Variants in PRH1 observed in about 807,000 individuals in gnomAD.
PRH1 encodes the protein salivary acidic proline-rich phosphoprotein 1/2.
In PRH1, 7 loss-of-function variants were observed where a neutral mutation model predicts 7.9. The ratio of observed to expected loss-of-function variants is 0.89; its 90% confidence interval spans 0.50 to 1.67. The LOEUF is 1.67. Ranked by LOEUF, PRH1 falls within the 40% of genes most tolerant of loss-of-function variation. PRH1 has a pLI of 0.00. For missense variants in PRH1, 109 were observed against 223.6 expected, an observed-to-expected ratio of 0.49 and a Z score of 3.27; for synonymous variants, 45 against 80.8, an observed-to-expected ratio of 0.56 and a Z score of 2.38.
intron 2 of PRH1, among the ~76,000 whole-genome samples, chr12:10,959,361 G>A (rs1010771024): frequency 3.9e-5 from 6 of 151,996 alleles, no homozygotes; most frequent in African/African-American, 1.5e-4. Context: ...CCAGCGTTGA[G>A]ATCTCAGCTG....
intron 1 of PRH1, among the ~76,000 whole-genome samples, chr12:11,138,195 A>T (rs1946608857): frequency 6.6e-6 from 1 of 152,224 alleles, no homozygotes; most frequent in Non-Finnish European, 1.5e-5. Context: ...TGCAATATAC[A>T]GCATATCAAT....
At chr12:10,975,630 T>C (rs1014216414) in intron 1 of PRH1, among the ~76,000 whole-genome samples, 1 of 151,174 alleles carries the variant, frequency 6.6e-6, no homozygotes, top group Admixed American at 6.6e-5. Context: ...GAGTGGCAGG[T>C]TGGATAAAAA....
At chr12:11,112,784 T>C (rs895754136) in intron 1 of PRH1, among the ~76,000 whole-genome samples, 3 of 152,136 alleles carry the variant, frequency 2.0e-5, no homozygotes, top group East Asian at 3.9e-4. Flanking sequence ...CAACATAGTA[T>C]TGGAAATTCT....
intron 1 of PRH1, among the ~76,000 whole-genome samples, chr12:11,013,272 A>G (rs999894098): frequency 1.3e-5 from 2 of 152,156 alleles, no homozygotes; most frequent in Non-Finnish European, 2.9e-5. Flanking sequence ...ACAATGAAAC[A>G]CAACTGAGAG....
At chr12:11,046,792 C>T (rs1942915479) in intron 1 of PRH1, among the ~76,000 whole-genome samples, 2 of 151,702 alleles carry the variant, frequency 1.3e-5, no homozygotes, top group Admixed American at 1.3e-4. Flanking sequence ...ATCATGTTTC[C>T]CTCTTTCTTT....
At chr12:10,971,204 C>G (rs1325172152) in intron 2 of PRH1, among the ~76,000 whole-genome samples, 1 of 152,174 alleles carries the variant, frequency 6.6e-6, no homozygotes, top group African/African-American at 2.4e-5. Flanking sequence ...TTCCTCCTCC[C>G]TACTATCCAT....
intron 1 of PRH1, among the ~76,000 whole-genome samples, chr12:11,142,716 A>G (rs1474046948): frequency 6.6e-6 from 1 of 152,246 alleles, no homozygotes; most frequent in Non-Finnish European, 1.5e-5. Context: ...AAAAGAAAAG[A>G]AACAAATAAT....
intron 1 of PRH1, among the ~76,000 whole-genome samples, chr12:11,019,473 T>C (rs1355924538): frequency 2.0e-5 from 3 of 152,282 alleles, no homozygotes; most frequent in Admixed American, 6.5e-5. Flanking sequence ...AGCTAAGATA[T>C]ACATTCAGTT....
chr12:11,113,377 T>A (rs1945644501), intron 1 of PRH1, among the ~76,000 whole-genome samples: 1 of 151,988 alleles, frequency 6.6e-6, no homozygotes, highest in Admixed American at 6.6e-5. Flanking sequence ...TATAGACCAA[T>A]GGAACAGAAC....
At chr12:10,958,020 T>C (rs973441321) in intron 2 of PRH1, among the ~76,000 whole-genome samples, 2 of 152,064 alleles carry the variant, frequency 1.3e-5, no homozygotes, top group Non-Finnish European at 2.9e-5. Flanking sequence ...CCAAAGAACT[T>C]AACACAGAAT....
At chr12:11,131,857 C>G (rs981359697) in intron 1 of PRH1, among the ~76,000 whole-genome samples, 1 of 152,178 alleles carries the variant, frequency 6.6e-6, no homozygotes, top group African/African-American at 2.4e-5. Flanking sequence ...ATTGGTTTAC[C>G]ACATCAGCTT....
chr12:11,037,438 T>G (rs1942481069), intron 1 of PRH1, among the ~76,000 whole-genome samples: 1 of 152,252 alleles, frequency 6.6e-6, no homozygotes, highest in Admixed American at 6.5e-5. Flanking sequence ...ACAAAATATT[T>G]AACCCAACTT....
intron 1 of PRH1, among the ~76,000 whole-genome samples, chr12:11,039,945 C>T (rs1385252228): frequency 3.6e-5 from 5 of 140,660 alleles, no homozygotes; most frequent in Non-Finnish European, 7.9e-5. Context: ...CCTGCTTTTC[C>T]ACTTGGGCTT....
intron 1 of PRH1, among the ~76,000 whole-genome samples, chr12:11,055,248 A>T (rs1943314652): frequency 6.6e-6 from 1 of 152,064 alleles, no homozygotes; most frequent in Admixed American, 6.6e-5. Context: ...AGAAAATAAT[A>T]TGTTGAAATA....
At chr12:10,941,131 G>A (rs1950392728) in intron 2 of PRH1, among the ~76,000 whole-genome samples, 1 of 152,156 alleles carries the variant, frequency 6.6e-6, no homozygotes, top group South Asian at 2.1e-4. Flanking sequence ...AACTACCATG[G>A]TGGGTGGGGG....
intron 1 of PRH1, among the ~76,000 whole-genome samples, chr12:11,040,106 C>T (rs905697528): frequency 3.3e-5 from 5 of 152,148 alleles, no homozygotes; most frequent in Admixed American, 6.5e-5. Flanking sequence ...TTGAAAAACA[C>T]ATGTTTCTCA....
At chr12:11,068,373 A>T (rs1468443922) in intron 1 of PRH1, among the ~76,000 whole-genome samples, 1 of 152,182 alleles carries the variant, frequency 6.6e-6, no homozygotes, top group Non-Finnish European at 1.5e-5. Context: ...TTCCTCTCAC[A>T]TTTGTGAGTA....
At chr12:11,170,073 G>A (rs1347195322) in intron 1 of PRH1, among the ~76,000 whole-genome samples, 2 of 152,212 alleles carry the variant, frequency 1.3e-5, no homozygotes, top group African/African-American at 4.8e-5. Flanking sequence ...TTAAGGTCAT[G>A]ATCAGAAATC....
At chr12:10,909,341 A>C in intron 2 of PRH1, 1 of 1,391,766 alleles carries the variant, frequency 7.2e-7, no homozygotes. Flanking sequence ...ACTGCTGGTT[A>C]TTCACTGATC....
Sources: allele counts gnomAD v4.1 joint callset (sites outside exome capture counted in the v4.1 genomes callset), GRCh38; gene constraint gnomAD v4.1.1; transcripts MANE v1.5; gene names NCBI Gene and HGNC (gene_info 2026-07-23, HGNC 2026-07-21).